The following ATXN7L1 variants were observed in gnomAD, a reference collection of about 807,000 sequenced individuals.
The protein encoded by ATXN7L1 is ataxin-7-like protein 1.
Under a neutral mutation model 70.8 loss-of-function variants are expected in ATXN7L1, and 15 were observed. The ratio of observed to expected loss-of-function variants is 0.21; its 90% CI spans 0.14 to 0.33. The LOEUF (loss-of-function observed/expected upper bound fraction) is 0.33, where lower values mean the gene tolerates loss of function less well. Ranked by LOEUF, ATXN7L1 falls within the 10% of genes least tolerant of loss-of-function variation. The pLI is 1.00. For missense variants in ATXN7L1, 975 were observed against 1,097.1 expected, an observed-to-expected ratio of 0.89 and a Z score of 1.57; for synonymous variants, 440 against 445.1, an observed-to-expected ratio of 0.99 and a Z score of 0.14.
chr7:105,721,144 C>G (rs1275554805), intron 3 of ATXN7L1, among the ~76,000 whole-genome samples: 1 of 152,162 alleles, frequency 6.6e-6, no homozygotes, highest in Non-Finnish European at 1.5e-5. Context: ...GGGTCCCTGA[C>G]TGGACTCACA....
intron 3 of ATXN7L1, among the ~76,000 whole-genome samples, chr7:105,781,966 A>G (rs576342529): frequency 2.0e-5 from 3 of 152,116 alleles, no homozygotes; most frequent in Non-Finnish European, 4.4e-5. Context: ...CAGCCTCCCA[A>G]GTAGCTGGAG....
At chr7:105,731,748 A>AAAAGAAAAGAAAAGAAAAGAAAAG (rs1554443678) in intron 3 of ATXN7L1, among the ~76,000 whole-genome samples, 2 of 106,964 alleles carry the variant, frequency 1.9e-5, no homozygotes, top group African/African-American at 8.7e-5. Context: ...CTTACTCCTT[A>AAAAGAAAAGAAAAGAAAAGAAAAG]AAAAGAAAAG....
chr7:105,863,498 C>T (rs1194278150), intron 2 of ATXN7L1, among the ~76,000 whole-genome samples: 12 of 152,234 alleles, frequency 7.9e-5, no homozygotes, highest in Non-Finnish European at 1.5e-4. Flanking sequence ...GCACTCACTC[C>T]GCACTTGCAG....
chr7:105,615,622 C>T (rs1793773175), intron 9 of ATXN7L1, among the ~76,000 whole-genome samples: 1 of 152,140 alleles, frequency 6.6e-6, no homozygotes, highest in South Asian at 2.1e-4. Flanking sequence ...TGGCTGCTGA[C>T]CACACCCCAC....
intron 4 of ATXN7L1, among the ~76,000 whole-genome samples, chr7:105,645,000 A>C (rs1490881505): frequency 3.9e-5 from 6 of 152,216 alleles, no homozygotes; most frequent in African/African-American, 1.4e-4. Context: ...GTCACAAAAG[A>C]CAAATACTGT....
At position 105,607,600 on chromosome 7, in the gene ATXN7L1, A is replaced by G; in HGVS notation, c.*252T>C. Reference sequence around the variant, plus strand: ...CCCAAATTTGGAAGAATGTAAAAACATGGCAAATGAAAGGAAAGACAGCGG... The same window carrying G: ...CCCAAATTTGGAAGAATGTAAAAACGTGGCAAATGAAAGGAAAGACAGCGG... On this transcript the variant is annotated 3_prime_UTR_variant, in exon 12 of 12. Coordinates refer to ENST00000419735, the MANE Select transcript of ATXN7L1 (RefSeq NM_020725.2). 2 of 537,610 alleles carry G rather than the reference A, an allele frequency of 3.7e-6. No homozygotes were observed. The highest frequency in any genetic ancestry group is 3.0e-5 in the East Asian group (1 of 33,218). 33.3% of individuals were successfully genotyped at this position (537,610 alleles called of 1,614,324 possible). A position where few individuals can be genotyped will look rare whatever the true frequency, so the allele number is the denominator to read the frequency against.
At position 105,786,862 on chromosome 7, in the gene ATXN7L1, G is replaced by A. The variant is rs576204124; in HGVS notation, c.355+1742C>T. 7.2e-5 allele frequency among the ~76,000 whole-genome samples: 11 copies of A among 152,238 alleles called. No homozygotes were observed. The South Asian group carries it at 8.3e-4, about 11-fold the overall frequency. On this transcript the variant is annotated intron_variant, in intron 3 of 11. Transcript: ENST00000419735. ...ACAATAGAATGCAACCCCTTGTTCC[G>A]TGCCTATAACAGCTGCACATCCTTG...
intron 10 of ATXN7L1, 59 bp from the exon 11 acceptor site, chr7:105,610,662 C>A: frequency 2.8e-6 from 4 of 1,411,812 alleles, no homozygotes; most frequent in Non-Finnish European, 3.9e-6. Flanking sequence ...AAGGGCCCGC[C>A]GATGCCACAT....
chr7:105,727,752 A>ATATATATATG (rs1554442485), intron 3 of ATXN7L1, among the ~76,000 whole-genome samples: 1 of 83,084 alleles, frequency 1.2e-5, no homozygotes, highest in Non-Finnish European at 2.3e-5. Context: ...GTGTGTATAT[A>ATATATATATG]TATATATATA....
chr7:105,819,721 GCCGCA>G, intron 2 of ATXN7L1: 1 of 847,418 alleles, frequency 1.2e-6, no homozygotes, highest in Non-Finnish European at 2.0e-6. Flanking sequence ...CGGGCCTCTA[GCCGCA>G]CCTTCCGGCT....
intron 2 of ATXN7L1, among the ~76,000 whole-genome samples, chr7:105,858,567 G>T (rs1816075775): frequency 1.3e-5 from 2 of 152,196 alleles, no homozygotes; most frequent in African/African-American, 4.8e-5. Context: ...AGAATGACAT[G>T]CTAATTGCAG....
intron 9 of ATXN7L1, among the ~76,000 whole-genome samples, chr7:105,619,139 A>ATTTTTTTTT (rs1794365463): frequency 3.2e-3 from 75 of 23,536 alleles, no homozygotes; most frequent in East Asian, 8.5e-3. Context: ...TGAAATCTTT[A>ATTTTTTTTT]GTTTTTTTTT....
intron 3 of ATXN7L1, among the ~76,000 whole-genome samples, chr7:105,784,709 CCT>C (rs1804034441): frequency 1.3e-5 from 2 of 152,104 alleles, no homozygotes; most frequent in Admixed American, 6.5e-5. Flanking sequence ...CCAGCAACCC[CCT>C]GAGGCAGGCA....
At chr7:105,690,560 T>C (rs1405712122) in intron 3 of ATXN7L1, among the ~76,000 whole-genome samples, 1 of 152,166 alleles carries the variant, frequency 6.6e-6, no homozygotes, top group East Asian at 1.9e-4. Context: ...AAATGATGTT[T>C]GTCGTCTTCT....
chr7:105,850,778 C>T (rs903478833), intron 2 of ATXN7L1, among the ~76,000 whole-genome samples: 2 of 152,230 alleles, frequency 1.3e-5, no homozygotes, highest in Non-Finnish European at 2.9e-5. Flanking sequence ...CAGGAGCTCC[C>T]GGTTTCCCAT....
intron 2 of ATXN7L1, among the ~76,000 whole-genome samples, chr7:105,794,365 A>G (rs902730113): frequency 6.6e-6 from 1 of 152,164 alleles, no homozygotes; most frequent in African/African-American, 2.4e-5. Context: ...AATTCTTCCC[A>G]ACTCTGCATT....
At chr7:105,625,061 G>A (rs539328195) in intron 7 of ATXN7L1, among the ~76,000 whole-genome samples, 10 of 152,236 alleles carry the variant, frequency 6.6e-5, no homozygotes, top group African/African-American at 1.9e-4. Context: ...ATGAAGAAAT[G>A]CAGTCCTATG....
intron 7 of ATXN7L1, among the ~76,000 whole-genome samples, chr7:105,627,408 A>G (rs976632338): frequency 6.6e-6 from 1 of 151,630 alleles, no homozygotes; most frequent in Non-Finnish European, 1.5e-5. Flanking sequence ...CTAATTTTAA[A>G]ATTTTTTATA....
chr7:105,739,396 G>A (rs555958172), intron 3 of ATXN7L1, among the ~76,000 whole-genome samples: 68 of 152,304 alleles, frequency 4.5e-4, no homozygotes, highest in African/African-American at 1.6e-3. Flanking sequence ...TGAGAAGCAC[G>A]CCCAGAAGGC....
Sources: allele counts gnomAD v4.1 joint callset (sites outside exome capture counted in the v4.1 genomes callset), GRCh38; gene constraint gnomAD v4.1.1; transcripts MANE v1.5; gene names NCBI Gene and HGNC (gene_info 2026-07-23, HGNC 2026-07-21).